The following AKAP13 variants were observed in gnomAD, a reference collection of about 807,000 sequenced individuals.
AKAP13 encodes the protein A-kinase anchoring protein 13.
AKAP13 carries 80 observed loss-of-function variants against 264.5 expected under a neutral mutation model. The ratio of observed to expected loss-of-function variants is 0.30; its 90% CI spans 0.25 to 0.36. The LOEUF (loss-of-function observed/expected upper bound fraction) is 0.36. Among genes scored for constraint, AKAP13 ranks in the 10% least tolerant of loss-of-function variants. The pLI, the probability that AKAP13 is intolerant of heterozygous loss-of-function variation, is 1.00. For synonymous variants in AKAP13, 1,380 were observed against 1,250.2 expected (o/e 1.10, Z -2.19); for missense variants, 3,712 against 3,435.2 (o/e 1.08, Z -2.01).
chr15:85,494,061 A>T (rs1433216723), intron 2 of AKAP13, among the ~76,000 whole-genome samples: 1 of 152,166 alleles, frequency 6.6e-6, no homozygotes, highest in Non-Finnish European at 1.5e-5. Context: ...GATACCTCCA[A>T]ACCAGAAACA....
chr15:85,600,353 C>A (rs947778052), intron 8 of AKAP13, among the ~76,000 whole-genome samples: 1 of 147,824 alleles, frequency 6.8e-6, no homozygotes, highest in Non-Finnish European at 1.5e-5. Flanking sequence ...GCTTACTATT[C>A]TTCCTCTGAA....
chr15:85,473,406 C>T (rs1031243303), intron 1 of AKAP13, among the ~76,000 whole-genome samples: 9 of 152,138 alleles, frequency 5.9e-5, no homozygotes, highest in Admixed American at 3.3e-4. Flanking sequence ...TATTTGAGTG[C>T]ATACTCTGGA....
intron 13 of AKAP13, among the ~76,000 whole-genome samples, chr15:85,668,833 C>T (rs935873343): frequency 5.3e-5 from 8 of 152,156 alleles, no homozygotes; most frequent in Admixed American, 2.0e-4. Context: ...ATCCCAGCTA[C>T]TCAGGAGGCT....
intron 13 of AKAP13, among the ~76,000 whole-genome samples, chr15:85,665,089 G>T (rs2151549206): frequency 6.6e-6 from 1 of 152,228 alleles, no homozygotes; most frequent in South Asian, 2.1e-4. Flanking sequence ...TGTAGTTCCA[G>T]CTACTCGGGA....
At chr15:85,595,306 C>G (rs945852362) in intron 8 of AKAP13, among the ~76,000 whole-genome samples, 1 of 151,940 alleles carries the variant, frequency 6.6e-6, no homozygotes, top group African/African-American at 2.4e-5. Context: ...CACAATGTTG[C>G]CCAGGCTGGT....
At chr15:85,646,079 T>C in intron 10 of AKAP13, 125 bp downstream of exon 10, 5 of 1,224,692 alleles carry the variant, frequency 4.1e-6, no homozygotes, top group Non-Finnish European at 5.6e-6. Context: ...ATGTAACTCC[T>C]GCTAGTAAGT....
At chr15:85,624,039 G>A (rs181600825) in intron 8 of AKAP13, among the ~76,000 whole-genome samples, 5 of 152,310 alleles carry the variant, frequency 3.3e-5, no homozygotes, top group Admixed American at 2.6e-4. Context: ...CATTACTAGA[G>A]GACAGCAGGT....
At chr15:85,650,778 A>C (rs1240823074) in intron 10 of AKAP13, among the ~76,000 whole-genome samples, 4 of 146,408 alleles carry the variant, frequency 2.7e-5, no homozygotes, top group South Asian at 2.2e-4. Context: ...AAAAAAAAAA[A>C]AAAAAAAAAA....
In AKAP13 at chr15:85,718,783, C is replaced by G. The variant is rs921820658; in HGVS notation, c.6002-293C>G. ...GGCGTGATGGCATGTACCTGCAGCC[C>G]CAGCTGCTCGAGAGGCTAAAGCAGA... is the stretch of plus-strand genomic sequence containing the variant. On this transcript the variant is annotated intron_variant, in intron 22 of 36. Transcript: ENST00000394518. This position sits in a 1 kb window ranked among gnomAD's most constrained non-coding sequence, Gnocchi z 4.9. 2 of 344,178 alleles carry G rather than the reference C, an allele frequency of 5.8e-6. No individual in the cohort carries two copies. The highest frequency in any genetic ancestry group is 4.3e-5 in the African/African-American group (2 of 46,418). The allele number at this position is 344,178 out of a possible 1,614,324, so 21.3% of individuals were successfully genotyped here.
Position 85,746,182 on chromosome 15 carries a change from G to A in AKAP13, c.*1505G>A, listed in dbSNP as rs1195176038. 6.6e-6 allele frequency: 1 copy of A among 152,590 alleles called. No individual in the cohort carries two copies. The highest frequency in any genetic ancestry group is 1.5e-5 in the Non-Finnish European group (1 of 68,032). 9.5% of individuals were successfully genotyped at this position (152,590 alleles called of 1,614,324 possible). ...TTAAAAAAAGAAAAATCTGTAACTT[G>A]GTGCTTATTGATGAATTGCAAGCTG... is the stretch of plus-strand genomic sequence containing the variant. On this transcript the variant is annotated 3_prime_UTR_variant, in exon 37 of 37. Transcript: ENST00000394518.
Position 85,727,285 on chromosome 15 carries a change from C to T in AKAP13, c.7004+38C>T. 6.2e-7 allele frequency: 1 copy of T among 1,613,386 alleles called. No individual in the cohort carries two copies. The highest frequency in any genetic ancestry group is 8.5e-7 in the Non-Finnish European group (1 of 1,179,516). On this transcript the variant is annotated intron_variant, in intron 28 of 36. Coordinates refer to ENST00000394518, the MANE Select transcript of AKAP13 (RefSeq NM_007200.5). The surrounding 1 kb of genome is among the most constrained non-coding windows in gnomAD (Gnocchi z 5.3). ...CCAGGCCCCACCCTTCCCAGCCCTCCTGATGTCTCTGTGTGATTTCATAAC... is the reference window on the plus strand; with the variant it reads ...CCAGGCCCCACCCTTCCCAGCCCTCTTGATGTCTCTGTGTGATTTCATAAC...
rs780945303 is a variant in AKAP13, at chr15:85,645,903, T to C, written c.4323T>C (p.Ser1441=). 1 of 1,614,020 alleles carries C rather than the reference T, an allele frequency of 6.2e-7. No homozygotes were observed. The highest frequency in any genetic ancestry group is 2.2e-5 in the East Asian group (1 of 44,874). Residue 1441 remains serine, a synonymous_variant, in exon 10 of 37, where the codon TCT becomes TCC. Coordinates refer to ENST00000394518, the MANE Select transcript of AKAP13 (RefSeq NM_007200.5). Reference sequence around the variant, plus strand: ...TTAAAAGAGAATCTGGGAGTGATTCTGACCTCTTTCACTCACCCAGTGATG... The same window carrying C: ...TTAAAAGAGAATCTGGGAGTGATTCCGACCTCTTTCACTCACCCAGTGATG... The part of the protein sequence containing the change: ...GVLKRESGSD[S]DLFHSPSDDM...
intron 1 of AKAP13, among the ~76,000 whole-genome samples, chr15:85,475,803 C>T (rs779753707): frequency 9.9e-5 from 15 of 152,030 alleles, no homozygotes; most frequent in South Asian, 4.1e-4. Context: ...ACTGTGGATC[C>T]CTTGCCATCA....
At chr15:85,676,520 G>C (rs1256905301) in intron 14 of AKAP13, among the ~76,000 whole-genome samples, 2 of 152,304 alleles carry the variant, frequency 1.3e-5, no homozygotes, top group East Asian at 1.9e-4. Flanking sequence ...GGTGAGCAGG[G>C]AGAGGAATGA....
intron 1 of AKAP13, among the ~76,000 whole-genome samples, chr15:85,403,790 G>A (rs1442105119): frequency 6.6e-6 from 1 of 150,650 alleles, no homozygotes; most frequent in Non-Finnish European, 1.5e-5. Context: ...GCGATTCTCA[G>A]TGAGCCTAGA....
chr15:85,615,581 A>G (rs1390883625), intron 8 of AKAP13, among the ~76,000 whole-genome samples: 1 of 152,256 alleles, frequency 6.6e-6, no homozygotes, highest in African/African-American at 2.4e-5. Flanking sequence ...TTTACCACCA[A>G]CATATGTGTA....
intron 8 of AKAP13, among the ~76,000 whole-genome samples, chr15:85,631,233 A>G (rs1301731170): frequency 6.6e-6 from 1 of 152,168 alleles, no homozygotes; most frequent in African/African-American, 2.4e-5. Context: ...GCAAATTTGT[A>G]GAGATAGAAA....
rs149611759 is a variant in AKAP13, at chr15:85,568,726, TATG to T, written c.663-6400_663-6398del. 7.2e-3 allele frequency among the ~76,000 whole-genome samples: 1,103 copies of T among 152,316 alleles called. 14 individuals carry two copies. Among genetic ancestry groups the T allele is most frequent in the African/African-American group, 0.022 (913 of 41,556 alleles). On this transcript the variant is annotated intron_variant, in intron 5 of 36. Coordinates refer to ENST00000394518, the MANE Select transcript of AKAP13 (RefSeq NM_007200.5). ...ATAGGATGCTTCGCAGAATTAAGAT[TATG>T]ATGAAGAGAGAAAGCCTAGGTGATA... is the stretch of plus-strand genomic sequence containing the variant.
At chr15:85,650,779 A>AC (rs2082784576) in intron 10 of AKAP13, among the ~76,000 whole-genome samples, 2 of 145,848 alleles carry the variant, frequency 1.4e-5, no homozygotes, top group African/African-American at 5.0e-5. Context: ...AAAAAAAAAA[A>AC]AAAAAAAAAA....
Sources: allele counts gnomAD v4.1 joint callset (sites outside exome capture counted in the v4.1 genomes callset), GRCh38; gene constraint gnomAD v4.1.1; non-coding constraint Gnocchi (gnomAD v3.1); transcripts MANE v1.5; gene names NCBI Gene and HGNC (gene_info 2026-07-23, HGNC 2026-07-21).